The following DNAH14 variants were observed in gnomAD, a reference collection of about 807,000 sequenced individuals.
The protein encoded by DNAH14 is axonemal beta dynein heavy chain 14.
A neutral mutation model predicts 520.9 loss-of-function variants in DNAH14; 478 were observed. The ratio of observed to expected loss-of-function variants is 0.92; its 90% CI spans 0.85 to 0.99. The LOEUF (loss-of-function observed/expected upper bound fraction) is 0.99, where lower values mean the gene tolerates loss of function less well. Ranked by LOEUF, DNAH14 falls within the 50% of genes least tolerant of loss-of-function variation. DNAH14 has a pLI of 0.00. For missense variants in DNAH14, 4,831 were observed against 5,234.5 expected, an observed-to-expected ratio of 0.92 and a Z score of 2.38; for synonymous variants, 1,581 against 1,757.2, an observed-to-expected ratio of 0.90 and a Z score of 2.51.
intron 8 of DNAH14, among the ~76,000 whole-genome samples, chr1:225,001,657 C>T (rs2063783753): frequency 6.6e-6 from 1 of 151,990 alleles, no homozygotes; most frequent in Non-Finnish European, 1.5e-5. Context: ...AAATTTAATA[C>T]ATTTTTAAAG....
chr1:225,235,301 T>C (rs2091493754), intron 42 of DNAH14, among the ~76,000 whole-genome samples: 1 of 152,226 alleles, frequency 6.6e-6, no homozygotes, highest in Admixed American at 6.5e-5. Context: ...GAGATAATCA[T>C]GTGATTTTTG....
chr1:225,320,614 C>A (rs913617749), intron 61 of DNAH14, among the ~76,000 whole-genome samples: 1 of 152,198 alleles, frequency 6.6e-6, no homozygotes, highest in African/African-American at 2.4e-5. Flanking sequence ...ACAGCTTAGT[C>A]CATTCTCTTC....
At chr1:225,040,775 G>C (rs2067405495) in intron 12 of DNAH14, among the ~76,000 whole-genome samples, 1 of 152,140 alleles carries the variant, frequency 6.6e-6, no homozygotes, top group Non-Finnish European at 1.5e-5. Context: ...ATTTTCAACT[G>C]TATTGAGTAA....
intron 53 of DNAH14, among the ~76,000 whole-genome samples, chr1:225,276,495 G>T (rs1015593828): frequency 6.6e-6 from 1 of 152,120 alleles, no homozygotes; most frequent in African/African-American, 2.4e-5. Context: ...ATTGTTGTGG[G>T]CAAAGATGTG....
chr1:225,005,637 G>A (rs998942391), intron 9 of DNAH14, among the ~76,000 whole-genome samples: 11 of 152,188 alleles, frequency 7.2e-5, no homozygotes, highest in East Asian at 5.8e-4. Flanking sequence ...TTTTAAGCAA[G>A]AGCAGTACTT....
intron 52 of DNAH14, 103 bp from the exon 53 acceptor site, chr1:225,275,807 GATCC>G: frequency 5.2e-6 from 1 of 192,762 alleles, no homozygotes; most frequent in Middle Eastern, 7.4e-4. Context: ...ATTAGTCCTA[GATCC>G]ACTGTGCCAG....
At chr1:224,944,126 G>A (rs368310489) in intron 1 of DNAH14, among the ~76,000 whole-genome samples, 1,670 of 152,210 alleles carry the variant, frequency 0.011, 17 homozygotes, top group Non-Finnish European at 0.016. Context: ...TTGTGTGGGA[G>A]TCTAAGTCTC....
intron 11 of DNAH14, among the ~76,000 whole-genome samples, chr1:225,034,515 TTGTG>T (rs71170047): frequency 3.4e-5 from 5 of 147,704 alleles, no homozygotes; most frequent in South Asian, 2.1e-4. Flanking sequence ...TGGCTTGAAT[TTGTG>T]TGTGTGTGTG....
At chr1:225,391,966 C>T (rs1216964622) in intron 83 of DNAH14, among the ~76,000 whole-genome samples, 2 of 152,128 alleles carry the variant, frequency 1.3e-5, no homozygotes, top group Non-Finnish European at 2.9e-5. Flanking sequence ...GAGGATGAGG[C>T]ATGATCATCG....
intron 19 of DNAH14, among the ~76,000 whole-genome samples, 154 bp downstream of exon 19, chr1:225,080,902 C>G (rs1282649416): frequency 7.9e-5 from 12 of 152,014 alleles, no homozygotes; most frequent in African/African-American, 2.9e-4. Flanking sequence ...AGGAATTTCA[C>G]TCAGGCAAAA....
chr1:225,189,749 CA>C (rs765386424), intron 37 of DNAH14, among the ~76,000 whole-genome samples: 2 of 151,798 alleles, frequency 1.3e-5, no homozygotes, highest in Non-Finnish European at 2.9e-5. Flanking sequence ...TTCACTATGC[CA>C]ATTTCTTCTT....
At chr1:225,358,135 G>C (rs543802998) in intron 73 of DNAH14, among the ~76,000 whole-genome samples, 1 of 152,248 alleles carries the variant, frequency 6.6e-6, no homozygotes, top group Admixed American at 6.5e-5. Context: ...ACACCATGGG[G>C]TTTTCTTGCT....
At chr1:225,243,636 A>G (rs578181006) in intron 43 of DNAH14, among the ~76,000 whole-genome samples, 1 of 152,244 alleles carries the variant, frequency 6.6e-6, no homozygotes, top group East Asian at 1.9e-4. Flanking sequence ...AAAAGAACAT[A>G]TAGCTATGAA....
At chr1:225,024,278 T>A in intron 11 of DNAH14, 1 of 983,940 alleles carries the variant, frequency 1.0e-6, no homozygotes, top group Non-Finnish European at 1.2e-6. Flanking sequence ...TGGAAGGAGC[T>A]ACAAAGTCCA....
chr1:225,115,598 TGCCCATATAG>T (rs2148847247), intron 23 of DNAH14, among the ~76,000 whole-genome samples: 1 of 152,300 alleles, frequency 6.6e-6, no homozygotes, highest in East Asian at 1.9e-4. Context: ...CAAAATTATC[TGCCCATATAG>T]GCCCTCTTCT....
intron 27 of DNAH14, among the ~76,000 whole-genome samples, chr1:225,135,485 G>C (rs1412011370): frequency 6.6e-6 from 1 of 152,106 alleles, no homozygotes; most frequent in Non-Finnish European, 1.5e-5. Flanking sequence ...TCTTAATCTT[G>C]AGTTCTAATT....
At chr1:224,952,454 G>C (rs544064175) in intron 1 of DNAH14, among the ~76,000 whole-genome samples, 9 of 152,292 alleles carry the variant, frequency 5.9e-5, no homozygotes, top group Admixed American at 5.9e-4. Context: ...AATTGCCATA[G>C]AAAGGAAGTT....
In DNAH14 at chr1:225,360,669, G is replaced by A. The variant is rs756285450; in HGVS notation, c.11777-12G>A. 40 of 1,548,588 alleles carry A rather than the reference G, an allele frequency of 2.6e-5. No individual in the cohort carries two copies. The highest frequency in any genetic ancestry group is 6.0e-5 in the South Asian group (5 of 83,894). On this transcript the variant is annotated splice_polypyrimidine_tract_variant and intron_variant, in intron 74 of 85. Coordinates refer to ENST00000682510, the MANE Select transcript of DNAH14 (RefSeq NM_001367479.1). ...CTTACAGTTTTATATACCTCTCCAC[G>A]TTGTTATACAGGGATCGACCTTACC... is the stretch of plus-strand genomic sequence containing the variant.
intron 8 of DNAH14, 91 bp downstream of exon 8, chr1:224,974,244 C>A: frequency 1.2e-6 from 1 of 825,888 alleles, no homozygotes; most frequent in Non-Finnish European, 1.7e-6. Flanking sequence ...CATTTTCATT[C>A]AGTGATTAGA....
Sources: allele counts gnomAD v4.1 joint callset (sites outside exome capture counted in the v4.1 genomes callset), GRCh38; gene constraint gnomAD v4.1.1; transcripts MANE v1.5; gene names NCBI Gene and HGNC (gene_info 2026-07-23, HGNC 2026-07-21).